Variants in SPOCK3 observed in about 807,000 individuals in gnomAD.
SPOCK3 encodes SPARC (osteonectin), cwcv and kazal like domains proteoglycan 3, also known as testican-3.
A neutral mutation model predicts 56.6 loss-of-function variants in SPOCK3; 30 were observed. The ratio of observed to expected loss-of-function variants is 0.53; its 90% CI spans 0.40 to 0.72. SPOCK3 has a LOEUF of 0.72. Ranked by LOEUF, SPOCK3 falls within the 30% of genes least tolerant of loss-of-function variation. The pLI is 0.00. For missense variants in SPOCK3, 527 were observed against 530.0 expected (o/e 0.99, Z 0.06); for synonymous variants, 196 against 183.3 (o/e 1.07, Z -0.56).
At chr4:167,080,047 A>G (rs1484816020) in intron 2 of SPOCK3, among the ~76,000 whole-genome samples, 2 of 152,014 alleles carry the variant, frequency 1.3e-5, no homozygotes, top group Non-Finnish European at 2.9e-5. Context: ...ATCTCTCACC[A>G]AGCAGAGTTC....
At chr4:166,842,050 T>C (rs1300020271) in intron 6 of SPOCK3, among the ~76,000 whole-genome samples, 3 of 152,110 alleles carry the variant, frequency 2.0e-5, no homozygotes, top group Non-Finnish European at 4.4e-5. Context: ...TCTTAAGGCG[T>C]TGCGTCGGGA....
chr4:166,908,277 C>T (rs1027802879), intron 5 of SPOCK3, among the ~76,000 whole-genome samples: 1 of 86,542 alleles, frequency 1.2e-5, no homozygotes, highest in Non-Finnish European at 2.8e-5. Context: ...ATTGTTCACA[C>T]ACACACACAC....
At position 166,772,234 on chromosome 4, in the gene SPOCK3, G is replaced by T. The variant is rs117438845; in HGVS notation, c.710-17505C>A. On this transcript the variant is annotated intron_variant, in intron 7 of 10. Coordinates refer to ENST00000357545, the MANE Select transcript of SPOCK3 (RefSeq NM_001040159.2). ...TAGTGAACCAAATACTACAAATAAT[G>T]CAGTAGTATGTCAAATGAACAAAAA... Among the ~76,000 whole-genome samples the T allele has an allele frequency of 2.3e-4, 35 of 152,076 alleles. 1 individual carries two copies. In the East Asian group the frequency reaches 6.6e-3, roughly 28 times the overall value.
intron 3 of SPOCK3, among the ~76,000 whole-genome samples, chr4:167,009,718 CA>C (rs1229961218): frequency 6.6e-5 from 10 of 152,124 alleles, no homozygotes; most frequent in African/African-American, 1.9e-4. Flanking sequence ...ACAAATAATC[CA>C]ATCCACTCAA....
At chr4:167,077,741 G>T (rs974230245) in intron 2 of SPOCK3, among the ~76,000 whole-genome samples, 3 of 151,688 alleles carry the variant, frequency 2.0e-5, no homozygotes, top group Non-Finnish European at 4.4e-5. Context: ...TATTATAGAA[G>T]AAAATATTAC....
chr4:166,863,737 A>G (rs1406944841), intron 6 of SPOCK3, among the ~76,000 whole-genome samples: 5 of 152,156 alleles, frequency 3.3e-5, no homozygotes, highest in Admixed American at 6.6e-5. Flanking sequence ...AGAGCTAACT[A>G]TCCTAAATAT....
chr4:167,057,216 C>T (rs1292839401), intron 3 of SPOCK3, among the ~76,000 whole-genome samples: 2 of 152,164 alleles, frequency 1.3e-5, no homozygotes, highest in African/African-American at 4.8e-5. Context: ...AAATAAAATA[C>T]TTTACAGACA....
chr4:167,205,248 AT>A (rs1221020866), intron 2 of SPOCK3, among the ~76,000 whole-genome samples: 2 of 83,392 alleles, frequency 2.4e-5, no homozygotes, highest in Non-Finnish European at 4.3e-5. Flanking sequence ...CATATTATAT[AT>A]TATATATATT....
chr4:167,040,138 CT>C (rs1350018036), intron 3 of SPOCK3, among the ~76,000 whole-genome samples: 1 of 152,114 alleles, frequency 6.6e-6, no homozygotes, highest in Non-Finnish European at 1.5e-5. Context: ...AATATACTGC[CT>C]CCTATCTTGC....
intron 6 of SPOCK3, among the ~76,000 whole-genome samples, chr4:166,811,462 T>G (rs1437854795): frequency 6.6e-6 from 1 of 151,794 alleles, no homozygotes; most frequent in South Asian, 2.1e-4. Context: ...TCTTCTTTGA[T>G]CTGTACATTA....
intron 5 of SPOCK3, among the ~76,000 whole-genome samples, chr4:166,905,076 T>TA (rs1402438146): frequency 2.0e-5 from 3 of 152,056 alleles, no homozygotes; most frequent in South Asian, 2.1e-4. Context: ...GTAGACATTA[T>TA]AAAAAAAGTC....
intron 3 of SPOCK3, among the ~76,000 whole-genome samples, chr4:167,035,241 G>A (rs1317033803): frequency 6.6e-6 from 1 of 152,022 alleles, no homozygotes; most frequent in Non-Finnish European, 1.5e-5. Flanking sequence ...TGATGTAGCA[G>A]TACTTTTTTG....
intron 4 of SPOCK3, among the ~76,000 whole-genome samples, chr4:166,934,678 G>A (rs1740192593): frequency 6.6e-6 from 1 of 152,006 alleles, no homozygotes; most frequent in Non-Finnish European, 1.5e-5. Flanking sequence ...TTAAAACAAT[G>A]TTGTGATAAA....
chr4:166,755,809 GTT>G (rs56800508), intron 7 of SPOCK3, among the ~76,000 whole-genome samples: 1 of 147,058 alleles, frequency 6.8e-6, no homozygotes, highest in African/African-American at 2.5e-5. Context: ...TATTTTGATA[GTT>G]TTTTTTCTTG....
intron 5 of SPOCK3, among the ~76,000 whole-genome samples, chr4:166,907,046 T>G: frequency 6.6e-6 from 1 of 152,096 alleles, no homozygotes; most frequent in Non-Finnish European, 1.5e-5. Context: ...TTGATTTATA[T>G]ATATACACAC....
chr4:166,742,278 T>TATCA (rs1421129741), intron 8 of SPOCK3, among the ~76,000 whole-genome samples: 2 of 150,272 alleles, frequency 1.3e-5, no homozygotes, highest in African/African-American at 4.9e-5. Context: ...TCTATCTATC[T>TATCA]AATATCTATC....
At chr4:166,832,627 T>C (rs183821288) in intron 6 of SPOCK3, among the ~76,000 whole-genome samples, 16 of 152,270 alleles carry the variant, frequency 1.1e-4, no homozygotes, top group Non-Finnish European at 1.8e-4. Flanking sequence ...TGCAGTACTA[T>C]TCACAATAGC....
intron 6 of SPOCK3, among the ~76,000 whole-genome samples, chr4:166,814,432 C>T (rs1220383713): frequency 6.6e-6 from 1 of 151,914 alleles, no homozygotes; most frequent in Non-Finnish European, 1.5e-5. Flanking sequence ...GAAGACCCAC[C>T]CTCATTAGGT....
intron 2 of SPOCK3, among the ~76,000 whole-genome samples, chr4:167,173,500 T>C (rs1730687162): frequency 6.6e-6 from 1 of 152,132 alleles, no homozygotes; most frequent in Non-Finnish European, 1.5e-5. Context: ...CTGAAGGATG[T>C]TTATTACATC....
Sources: gnomAD v4.1 joint callset for allele counts (sites outside exome capture counted in the v4.1 genomes callset) on GRCh38, gnomAD v4.1.1 for gene constraint, MANE v1.5 for transcripts, NCBI Gene and HGNC (gene_info 2026-07-23, HGNC 2026-07-21) for gene names.